CCDC178: variants seen among roughly 807,000 people sequenced by gnomAD.
CCDC178 encodes coiled-coil domain containing 178.
A neutral mutation model predicts 117.4 loss-of-function variants in CCDC178; 126 were observed. The observed-to-expected ratio is 1.07, with a 90% CI of 0.93 to 1.24. The LOEUF is 1.24. Among genes scored for constraint, CCDC178 ranks in the 50% most tolerant of loss-of-function variants. The pLI, the probability that CCDC178 is intolerant of heterozygous loss-of-function variation, is 0.00. For missense variants in CCDC178, 1,030 were observed against 986.9 expected (o/e 1.04, Z -0.59); for synonymous variants, 283 against 313.4 (o/e 0.90, Z 1.02).
chr18:33,151,251 CAATA>C (rs534344013), intron 20 of CCDC178, among the ~76,000 whole-genome samples: 406 of 151,858 alleles, frequency 2.7e-3, no homozygotes, highest in Non-Finnish European at 4.8e-3. Context: ...ACATAAATAG[CAATA>C]AATAAATAAA....
intron 9 of CCDC178, among the ~76,000 whole-genome samples, chr18:33,343,541 C>A (rs2062844921): frequency 6.6e-6 from 1 of 152,148 alleles, no homozygotes; most frequent in Non-Finnish European, 1.5e-5. Context: ...CCTCACCCAT[C>A]TCCATTATCT....
In CCDC178 at chr18:33,439,980, G is replaced by A. The variant is rs1337250065; in HGVS notation, c.-41C>T. ...TTCTCACCTGTAAAGGGGAGGTGTT[G>A]GCGTGGATCATCTTATTTGGGGTGC... On this transcript the variant is annotated 5_prime_UTR_variant, in exon 2 of 23. Transcript: ENST00000383096. 6.6e-6 allele frequency: 1 copy of A among 152,144 alleles called. No individual in the cohort carries two copies. The highest frequency in any genetic ancestry group is 1.9e-4 in the East Asian group (1 of 5,174). 9.4% of individuals were successfully genotyped at this position (152,144 alleles called of 1,614,324 possible). A position where few individuals can be genotyped will look rare whatever the true frequency, so the allele number is the denominator to read the frequency against.
chr18:33,341,953 T>C (rs779762594), intron 9 of CCDC178, among the ~76,000 whole-genome samples: 10 of 151,954 alleles, frequency 6.6e-5, no homozygotes, highest in Non-Finnish European at 1.5e-4. Context: ...TGACCCTGGG[T>C]AGAAAAATAA....
intron 21 of CCDC178, among the ~76,000 whole-genome samples, chr18:32,975,535 G>A (rs981095176): frequency 1.3e-5 from 2 of 151,770 alleles, no homozygotes; most frequent in African/African-American, 2.4e-5. Flanking sequence ...ATTTTCAAAG[G>A]GATAAACATA....
At chr18:32,982,816 C>T (rs2055179490) in intron 21 of CCDC178, among the ~76,000 whole-genome samples, 1 of 151,844 alleles carries the variant, frequency 6.6e-6, no homozygotes, top group Non-Finnish European at 1.5e-5. Context: ...AAATTACCTC[C>T]CAGGATAAAT....
chr18:32,999,310 C>T (rs1416030379), intron 21 of CCDC178, among the ~76,000 whole-genome samples: 1 of 152,148 alleles, frequency 6.6e-6, no homozygotes, highest in Non-Finnish European at 1.5e-5. Flanking sequence ...CATGCCAGCT[C>T]AGTCACAGTA....
At chr18:32,941,186 TA>T (rs1349783413) in intron 22 of CCDC178, among the ~76,000 whole-genome samples, 1 of 152,046 alleles carries the variant, frequency 6.6e-6, no homozygotes, top group African/African-American at 2.4e-5. Context: ...GACATGCAAT[TA>T]ATGCTCTATG....
intron 20 of CCDC178, among the ~76,000 whole-genome samples, chr18:33,147,207 T>A (rs1216334515): frequency 1.3e-5 from 2 of 150,298 alleles, no homozygotes; most frequent in Non-Finnish European, 3.0e-5. Context: ...GCTGGGAGTT[T>A]CAAATCAAAG....
At chr18:33,349,253 G>A (rs1176482404) in intron 7 of CCDC178, among the ~76,000 whole-genome samples, 1 of 151,890 alleles carries the variant, frequency 6.6e-6, no homozygotes, top group African/African-American at 2.4e-5. Context: ...GTCATTCCTA[G>A]AAAGTGTTTC....
At chr18:33,160,823 G>A (rs2058453073) in intron 20 of CCDC178, among the ~76,000 whole-genome samples, 4 of 152,052 alleles carry the variant, frequency 2.6e-5, no homozygotes, top group Admixed American at 2.6e-4. Flanking sequence ...GCTTTGGCGA[G>A]TAACCACACT....
chr18:33,381,622 T>A (rs913162819), intron 5 of CCDC178, among the ~76,000 whole-genome samples: 2 of 152,194 alleles, frequency 1.3e-5, no homozygotes, highest in Admixed American at 1.3e-4. Context: ...TTTTTTTCCA[T>A]ATACAAATGC....
intron 21 of CCDC178, among the ~76,000 whole-genome samples, chr18:32,989,112 T>C (rs1212107070): frequency 6.6e-6 from 1 of 152,138 alleles, no homozygotes; most frequent in Non-Finnish European, 1.5e-5. Context: ...CAAATTATTC[T>C]AGAAGTCAAG....
chr18:33,201,866 C>G (rs182312030), intron 20 of CCDC178, among the ~76,000 whole-genome samples: 152 of 152,154 alleles, frequency 1.0e-3, no homozygotes, highest in African/African-American at 3.5e-3. Flanking sequence ...CGTTGCAGAG[C>G]CCCCAACCGG....
intron 21 of CCDC178, among the ~76,000 whole-genome samples, chr18:33,009,626 A>G (rs1217595813): frequency 6.6e-6 from 1 of 152,094 alleles, no homozygotes; most frequent in Admixed American, 6.5e-5. Flanking sequence ...TCCCCAACAC[A>G]CATTCCTATA....
chr18:33,144,398 T>C (rs2058246032), intron 20 of CCDC178, among the ~76,000 whole-genome samples: 1 of 152,138 alleles, frequency 6.6e-6, no homozygotes, highest in African/African-American at 2.4e-5. Flanking sequence ...GACATTGAAA[T>C]GTCAGCAACA....
At chr18:33,292,762 TTTAA>T (rs2144874328) in intron 12 of CCDC178, among the ~76,000 whole-genome samples, 1 of 152,200 alleles carries the variant, frequency 6.6e-6, no homozygotes, top group East Asian at 1.9e-4. Flanking sequence ...CAGTTTTTGT[TTTAA>T]TTGACACACA....
intron 20 of CCDC178, among the ~76,000 whole-genome samples, chr18:33,192,761 C>T (rs551551388): frequency 6.6e-6 from 1 of 151,692 alleles, no homozygotes; most frequent in East Asian, 2.0e-4. Flanking sequence ...ATTAGCCGGG[C>T]ATGGTGGCGG....
intron 20 of CCDC178, among the ~76,000 whole-genome samples, chr18:33,151,217 A>G (rs1414054293): frequency 1.3e-5 from 2 of 152,178 alleles, no homozygotes; most frequent in Non-Finnish European, 2.9e-5. Flanking sequence ...ACAAAATACC[A>G]CCTGTACCCC....
chr18:33,250,259 T>C (rs1463311887), intron 14 of CCDC178, among the ~76,000 whole-genome samples: 1 of 151,802 alleles, frequency 6.6e-6, no homozygotes, highest in African/African-American at 2.4e-5. Context: ...GTAAAGATGT[T>C]CAATAGTAAT....
Sources: allele counts gnomAD v4.1 joint callset (sites outside exome capture counted in the v4.1 genomes callset), GRCh38; gene constraint gnomAD v4.1.1; transcripts MANE v1.5; gene names NCBI Gene and HGNC (gene_info 2026-07-23, HGNC 2026-07-21).